The following RFX4 variants were observed in gnomAD, a reference collection of about 807,000 sequenced individuals.
RFX4 encodes regulatory factor X4, also known as transcription factor RFX4.
A neutral mutation model predicts 95.0 loss-of-function variants in RFX4; 10 were observed. The observed-to-expected ratio is 0.11, with a 90% CI of 0.06 to 0.18. The LOEUF is 0.18. Ranked by LOEUF, RFX4 falls within the 10% of genes least tolerant of loss-of-function variation. RFX4 has a pLI of 1.00. For missense variants in RFX4, 640 were observed against 922.0 expected (o/e 0.69, Z 3.96); for synonymous variants, 321 against 340.7 (o/e 0.94, Z 0.64).
At chr12:106,750,391 C>A (rs1477931884) in intron 16 of RFX4, among the ~76,000 whole-genome samples, 1 of 149,430 alleles carries the variant, frequency 6.7e-6, no homozygotes, top group Non-Finnish European at 1.5e-5. Flanking sequence ...GCAGGAGAAT[C>A]ATTTGAACCC....
At chr12:106,595,827 G>A (rs2039609684) in intron 1 of RFX4, among the ~76,000 whole-genome samples, 1 of 152,158 alleles carries the variant, frequency 6.6e-6, no homozygotes, top group Non-Finnish European at 1.5e-5. Flanking sequence ...CTGAGAATTG[G>A]TTTTGCCATG....
chr12:106,713,412 T>C (rs2042227405), intron 10 of RFX4, among the ~76,000 whole-genome samples: 1 of 152,190 alleles, frequency 6.6e-6, no homozygotes, highest in Non-Finnish European at 1.5e-5. Flanking sequence ...TGTTAAATGT[T>C]ATGAAAGAAA....
At chr12:106,693,195 C>T (rs1401118055) in intron 7 of RFX4, 1 of 344,094 alleles carries the variant, frequency 2.9e-6, no homozygotes, top group East Asian at 9.9e-5. Flanking sequence ...TTTTCCTTCT[C>T]ACCTGGAGGA....
chr12:106,722,528 T>C (rs1306112028), intron 13 of RFX4, among the ~76,000 whole-genome samples: 2 of 152,234 alleles, frequency 1.3e-5, no homozygotes, highest in African/African-American at 2.4e-5. Context: ...CTAAGAAATA[T>C]GGTTCCTTGA....
At chr12:106,657,961 T>C (rs1414023284) in intron 4 of RFX4, among the ~76,000 whole-genome samples, 1 of 152,176 alleles carries the variant, frequency 6.6e-6, no homozygotes, top group Admixed American at 6.5e-5. Flanking sequence ...AATATCTATA[T>C]CTATGTATAC....
intron 13 of RFX4, among the ~76,000 whole-genome samples, chr12:106,730,263 A>T (rs1476843904): frequency 6.6e-6 from 1 of 152,216 alleles, no homozygotes; most frequent in Non-Finnish European, 1.5e-5. Context: ...CATAAATTTC[A>T]CCAAGGAGTG....
At chr12:106,757,938 G>A (rs2043138639) in intron 17 of RFX4, among the ~76,000 whole-genome samples, 1 of 152,212 alleles carries the variant, frequency 6.6e-6, no homozygotes, top group Admixed American at 6.5e-5. Flanking sequence ...TGTGTGTGCA[G>A]GCACACACAT....
At chr12:106,754,769 G>C (rs1250644985) in intron 17 of RFX4, among the ~76,000 whole-genome samples, 1 of 152,200 alleles carries the variant, frequency 6.6e-6, no homozygotes, top group Non-Finnish European at 1.5e-5. Flanking sequence ...CAAGGTGTGA[G>C]AGTCCAAAGG....
intron 2 of RFX4, among the ~76,000 whole-genome samples, chr12:106,628,939 T>G (rs117175034): frequency 0.016 from 2,403 of 151,966 alleles, 33 homozygotes; most frequent in Non-Finnish European, 0.025. Context: ...TTTGTGTTTT[T>G]GTAGAGGCAA....
chr12:106,599,086 C>A (rs2039661322), intron 1 of RFX4, among the ~76,000 whole-genome samples: 1 of 151,878 alleles, frequency 6.6e-6, no homozygotes, highest in African/African-American at 2.4e-5. Flanking sequence ...TGAATTTTCT[C>A]TAGTTTCTGA....
chr12:106,684,876 G>A (rs371860031), intron 5 of RFX4: 53 of 1,606,584 alleles, frequency 3.3e-5, no homozygotes, highest in Non-Finnish European at 4.1e-5. Context: ...AGATAGATTC[G>A]AGATGCCCAC....
intron 4 of RFX4, among the ~76,000 whole-genome samples, chr12:106,659,675 T>C (rs2041033215): frequency 6.6e-6 from 1 of 152,224 alleles, no homozygotes; most frequent in Non-Finnish European, 1.5e-5. Flanking sequence ...ATGAAGTAGA[T>C]ACTGTTATTG....
At chr12:106,733,840 A>C (rs1315233084) in intron 15 of RFX4, among the ~76,000 whole-genome samples, 1 of 152,268 alleles carries the variant, frequency 6.6e-6, no homozygotes, top group Non-Finnish European at 1.5e-5. Context: ...CACACCCAAA[A>C]GAAGGCAGAG....
intron 13 of RFX4, among the ~76,000 whole-genome samples, chr12:106,727,337 A>G (rs1333627503): frequency 6.6e-6 from 1 of 152,210 alleles, no homozygotes; most frequent in Non-Finnish European, 1.5e-5. Context: ...AGGGAATTTA[A>G]TATCTTAAAG....
Position 106,670,395 on chromosome 12 carries a change from G to A in RFX4, c.316-11598G>A, listed in dbSNP as rs531372218. Reference sequence around the variant, plus strand: ...TCATGTACACGTGACACATTATCCAGTCACCCTGAGGACAATGAGGTGTTC... The same window carrying A: ...TCATGTACACGTGACACATTATCCAATCACCCTGAGGACAATGAGGTGTTC... On this transcript the variant is annotated intron_variant, in intron 4 of 17. Transcript: ENST00000392842. Among the ~76,000 whole-genome samples, 4 of 152,214 alleles carry A rather than the reference G, an allele frequency of 2.6e-5. No homozygotes were observed. The East Asian group carries it at 7.7e-4, about 29-fold the overall frequency.
chr12:106,599,467 C>T (rs906806162), intron 1 of RFX4, among the ~76,000 whole-genome samples: 2 of 143,834 alleles, frequency 1.4e-5, no homozygotes, highest in South Asian at 2.2e-4. Context: ...GGCAAGTCAT[C>T]GCTGTGATGA....
At chr12:106,729,808 G>T (rs1273516407) in intron 13 of RFX4, among the ~76,000 whole-genome samples, 1 of 152,176 alleles carries the variant, frequency 6.6e-6, no homozygotes, top group African/African-American at 2.4e-5. Flanking sequence ...GCAGAGCTAG[G>T]ATCTCAACCT....
intron 13 of RFX4, among the ~76,000 whole-genome samples, chr12:106,723,691 C>G (rs1175975962): frequency 2.0e-5 from 3 of 152,194 alleles, no homozygotes; most frequent in African/African-American, 4.8e-5. Context: ...CATGACCAAG[C>G]CTTCCCAACT....
At chr12:106,710,436 T>G (rs2042170803) in intron 9 of RFX4, among the ~76,000 whole-genome samples, 1 of 152,162 alleles carries the variant, frequency 6.6e-6, no homozygotes, top group East Asian at 1.9e-4. Flanking sequence ...GATTAACGAT[T>G]GATCAGCCTG....
Sources: gnomAD v4.1 joint callset for allele counts (sites outside exome capture counted in the v4.1 genomes callset) on GRCh38, gnomAD v4.1.1 for gene constraint, MANE v1.5 for transcripts, NCBI Gene and HGNC (gene_info 2026-07-23, HGNC 2026-07-21) for gene names.